The following NSG1 variants were observed in gnomAD, a reference collection of about 807,000 sequenced individuals.
NSG1 encodes the protein neuronal vesicle trafficking associated 1, also known as neuronal vesicle trafficking-associated protein 1.
In NSG1, 9 loss-of-function variants were observed where a neutral mutation model predicts 19.3. The observed-to-expected ratio is 0.47, with a 90% CI of 0.28 to 0.81. The LOEUF is 0.81. NSG1 is among the 40% of genes least tolerant of loss of function. The pLI is 0.11. For missense variants in NSG1, 236 were observed against 242.4 expected (o/e 0.97, Z 0.18); for synonymous variants, 104 against 107.0 (o/e 0.97, Z 0.17).
rs73793249 is a variant in NSG1, at chr4:4,390,481, G to T, written c.130-994G>T. ...GGGCTGACCATCCCCAGTTGCTGGG[G>T]TCTCTTTGTTCTGTCCTGGTCCCCA... On this transcript the variant is annotated intron_variant, in intron 2 of 4. Transcript: ENST00000621129. Among the ~76,000 whole-genome samples, 1,504 of 152,376 alleles carry T rather than the reference G, an allele frequency of 9.9e-3. 23 individuals are homozygous for T. Among genetic ancestry groups the T allele is most frequent in the African/African-American group, 0.034 (1,415 of 41,592 alleles).
chr4:4,406,529 G>T (rs886858398), intron 3 of NSG1, among the ~76,000 whole-genome samples: 1 of 152,230 alleles, frequency 6.6e-6, no homozygotes, highest in Non-Finnish European at 1.5e-5. Flanking sequence ...GCCCGGGCAG[G>T]CTGGCCCCGG....
At position 4,416,090 on chromosome 4, in the gene NSG1, G is replaced by A. The variant is rs1724516383; in HGVS notation, c.358-1145G>A. 7 of 702,210 alleles carry A rather than the reference G, an allele frequency of 1.0e-5. No homozygotes were observed. In the Admixed American group the frequency reaches 1.4e-4, roughly 14 times the overall value. 43.5% of individuals were successfully genotyped at this position (702,210 alleles called of 1,614,324 possible). On this transcript the variant is annotated intron_variant, in intron 4 of 4. Transcript: ENST00000621129. The stretch of plus-strand genomic sequence containing the variant: ...GGCACATCCTGGCTTCTTTACTTGA[G>A]CCACTGTGCATTGACTTGAGTCCTC...
chr4:4,412,515 C>T (rs558121648), intron 4 of NSG1, among the ~76,000 whole-genome samples: 13 of 151,932 alleles, frequency 8.6e-5, no homozygotes, highest in African/African-American at 3.1e-4. Flanking sequence ...GGAGAAGGCA[C>T]CTAGGAAGGC....
chr4:4,393,884 A>T (rs1723117035), intron 3 of NSG1, among the ~76,000 whole-genome samples: 1 of 152,074 alleles, frequency 6.6e-6, no homozygotes, highest in South Asian at 2.1e-4. Flanking sequence ...GGTGCAGATC[A>T]CACCTCTGCC....
Position 4,417,601 on chromosome 4 carries a change from C to A in NSG1, c.*166C>A. 1 of 661,280 alleles carries A rather than the reference C, an allele frequency of 1.5e-6. No individual in the cohort carries two copies. The highest frequency in any genetic ancestry group is 2.6e-6 in the Non-Finnish European group (1 of 390,724). 41.0% of individuals were successfully genotyped at this position (661,280 alleles called of 1,614,324 possible). A position where few individuals can be genotyped will look rare whatever the true frequency, so the allele number is the denominator to read the frequency against. On this transcript the variant is annotated 3_prime_UTR_variant, in exon 5 of 5. Transcript: ENST00000621129. ...CAAATAAAACTTGCTGCCGACCACC[C>A]ACGGGCATAAAATCAAGTGCATTTC... is the stretch of plus-strand genomic sequence containing the variant.
chr4:4,396,599 G>A (rs1171152026), intron 3 of NSG1, among the ~76,000 whole-genome samples: 2 of 152,184 alleles, frequency 1.3e-5, no homozygotes, highest in African/African-American at 2.4e-5. Context: ...TGGTGGGGAC[G>A]TCCCTCTGCA....
At chr4:4,395,793 C>G (rs1250784307) in intron 3 of NSG1, among the ~76,000 whole-genome samples, 2 of 152,226 alleles carry the variant, frequency 1.3e-5, no homozygotes, top group Non-Finnish European at 2.9e-5. Flanking sequence ...GGAATCTCGC[C>G]TTTCCGATCT....
intron 3 of NSG1, among the ~76,000 whole-genome samples, chr4:4,405,115 A>T (rs1448989569): frequency 6.6e-6 from 1 of 152,198 alleles, no homozygotes; most frequent in Non-Finnish European, 1.5e-5. Context: ...GCTTCGGCAG[A>T]ACTGTGCTCC....
intron 4 of NSG1, among the ~76,000 whole-genome samples, chr4:4,411,933 C>G (rs1233501451): frequency 6.6e-6 from 1 of 151,884 alleles, no homozygotes. Context: ...GTAACATACG[C>G]GTTTATTGTC....
Position 4,387,653 on chromosome 4 carries a change from C to T in NSG1, c.24C>T (p.Phe8=), listed in dbSNP as rs1345400646. The stretch of plus-strand genomic sequence containing the variant: ...CGATGGTGAAGTTGGGGAACAATTT[C>T]GCAGAGAAGGGCACCAAGCAGCCGC... MVKLGNN[F]AEKGTKQPLL... Residue 8 remains phenylalanine (F), a synonymous_variant, in exon 2 of 5, where the codon TTC becomes TTT. Transcript: ENST00000621129. 1.9e-6 allele frequency: 3 copies of T among 1,611,800 alleles called. No homozygotes were observed. The highest frequency in any genetic ancestry group is 1.3e-5 in the African/African-American group (1 of 74,764).
At chr4:4,400,908 G>T (rs924841878) in intron 3 of NSG1, among the ~76,000 whole-genome samples, 3 of 152,180 alleles carry the variant, frequency 2.0e-5, no homozygotes, top group African/African-American at 7.2e-5. Flanking sequence ...AATATAATCA[G>T]TTTTCCTTGC....
Position 4,417,206 on chromosome 4 carries a change from C to A in NSG1, c.358-29C>A, listed in dbSNP as rs773812080. On this transcript the variant is annotated intron_variant, in intron 4 of 4. Transcript: ENST00000621129. ...ACTGGCACCCCCTCTTGCACCGACG[C>A]GTGCTCTCAGTGGCCTCTTGTCTTT... 6 of 1,602,698 alleles carry A rather than the reference C, an allele frequency of 3.7e-6. No homozygotes were observed. The East Asian group carries it at 1.3e-4, about 36-fold the overall frequency.
In NSG1 at chr4:4,418,324, G is replaced by C. The variant is rs1724702722; in HGVS notation, c.*889G>C. On this transcript the variant is annotated 3_prime_UTR_variant, in exon 5 of 5. Transcript: ENST00000621129. Reference sequence around the variant, plus strand: ...ATTAGTTTTTAAAGAAATGAGCTGGGTGGGAAAAGTGGAAATGTAATTTCT... The same window carrying C: ...ATTAGTTTTTAAAGAAATGAGCTGGCTGGGAAAAGTGGAAATGTAATTTCT... The C allele has an allele frequency of 1.3e-5, 2 of 152,114 alleles. No homozygotes were observed. Among genetic ancestry groups the C allele is most frequent in the African/African-American group, 2.4e-5 (1 of 41,390 alleles). The allele number at this position is 152,114 out of a possible 1,614,324, so 9.4% of individuals were successfully genotyped here.
Position 4,417,592 on chromosome 4 carries a change from C to A in NSG1, c.*157C>A. 1 of 717,576 alleles carries A rather than the reference C, an allele frequency of 1.4e-6. No homozygotes were observed. Among genetic ancestry groups the A allele is most frequent in the Non-Finnish European group, 2.3e-6 (1 of 438,680 alleles). 44.5% of individuals were successfully genotyped at this position (717,576 alleles called of 1,614,324 possible). A position where few individuals can be genotyped will look rare whatever the true frequency, so the allele number is the denominator to read the frequency against. ...GCTGCTTTGCAAATAAAACTTGCTG[C>A]CGACCACCCACGGGCATAAAATCAA... On this transcript the variant is annotated 3_prime_UTR_variant, in exon 5 of 5. Coordinates refer to ENST00000621129, the MANE Select transcript of NSG1 (RefSeq NM_014392.5).
intron 3 of NSG1, among the ~76,000 whole-genome samples, chr4:4,396,308 C>T (rs1723246521): frequency 6.6e-6 from 1 of 152,110 alleles, no homozygotes; most frequent in Non-Finnish European, 1.5e-5. Flanking sequence ...CAGGAAGGCT[C>T]CCTCAGGGCC....
chr4:4,409,482 G>A, intron 3 of NSG1, 91 bp from the exon 4 acceptor site: 2 of 925,888 alleles, frequency 2.2e-6, no homozygotes, highest in Non-Finnish European at 3.6e-6. Context: ...CTCTGCACAT[G>A]CTGTGTGGGG....
At chr4:4,387,561 C>CCGGGGGGGGTGGG in intron 1 of NSG1, 43 bp from the exon 2 acceptor site, 2 of 1,141,980 alleles carry the variant, frequency 1.8e-6, no homozygotes, top group East Asian at 2.7e-5. Context: ...CGCCCCGCCC[C>CCGGGGGGGGTGGG]GGGTCTTGCT....
intron 3 of NSG1, among the ~76,000 whole-genome samples, chr4:4,397,750 C>T (rs955572912): frequency 3.3e-5 from 5 of 152,140 alleles, no homozygotes; most frequent in African/African-American, 7.2e-5. Context: ...GACACATATT[C>T]CCTCCTTATC....
chr4:4,387,225 C>A (rs1722763489), intron 1 of NSG1, 52 bp downstream of exon 1: 2 of 169,442 alleles, frequency 1.2e-5, no homozygotes, highest in Non-Finnish European at 1.2e-5. Flanking sequence ...CTTGCCCGCC[C>A]AGGAGCAGTG....
Sources: allele counts gnomAD v4.1 joint callset (sites outside exome capture counted in the v4.1 genomes callset), GRCh38; gene constraint gnomAD v4.1.1; transcripts MANE v1.5; gene names NCBI Gene and HGNC (gene_info 2026-07-23, HGNC 2026-07-21).